SLC2A4RG: variants seen among roughly 807,000 people sequenced by gnomAD.
SLC2A4RG encodes SLC2A4 regulator.
In SLC2A4RG, 23 loss-of-function variants were observed where a neutral mutation model predicts 35.5. That is an observed-to-expected ratio of 0.65 (90% confidence interval 0.47 to 0.92). SLC2A4RG has a LOEUF of 0.92. Ranked by LOEUF, SLC2A4RG falls within the 40% of genes least tolerant of loss-of-function variation. The pLI, the probability that SLC2A4RG is intolerant of heterozygous loss-of-function variation, is 0.00. For missense variants in SLC2A4RG, 539 were observed against 525.0 expected (o/e 1.03, Z -0.26); for synonymous variants, 306 against 243.7 (o/e 1.26, Z -2.38).
intron 3 of SLC2A4RG, 41 bp from the exon 4 acceptor site, chr20:63,741,828 C>G (rs765901195): frequency 5.9e-6 from 9 of 1,533,812 alleles, no homozygotes; most frequent in Middle Eastern, 2.3e-4. Flanking sequence ...ACTCCCTGGA[C>G]CCACCCGAAG....
In SLC2A4RG at chr20:63,739,824, T is replaced by C; in HGVS notation, c.-89T>C. On this transcript the variant is annotated 5_prime_UTR_variant, in exon 1 of 8. Coordinates refer to ENST00000266077, the MANE Select transcript of SLC2A4RG (RefSeq NM_020062.4). ...GCGGCGGCCGGATCCAGGGCGGGGG[T>C]CGGCGGCCCGGCCAGCCCGGCCCGG... 1.0e-6 allele frequency: 1 copy of C among 957,800 alleles called. No homozygotes were observed. The highest frequency in any genetic ancestry group is 1.2e-6 in the Non-Finnish European group (1 of 817,784). The allele number at this position is 957,800 out of a possible 1,614,324, so 59.3% of individuals were successfully genotyped here. A position where few individuals can be genotyped will look rare whatever the true frequency, so the allele number is the denominator to read the frequency against.
At position 63,740,525 on chromosome 20, in the gene SLC2A4RG, C is replaced by A; in HGVS notation, c.275C>A (p.Ala92Glu). 2.4e-6 allele frequency: 3 copies of A among 1,229,420 alleles called. No homozygotes were observed. Among genetic ancestry groups the A allele is most frequent in the Non-Finnish European group, 3.0e-6 (3 of 986,100 alleles). 76.2% of individuals were successfully genotyped at this position (1,229,420 alleles called of 1,614,324 possible). Residue 92 changes from alanine to glutamate, a missense_variant, in exon 2 of 8, where the codon GCG becomes GAG. By Grantham distance (107) the Ala-to-Glu change is moderately radical. Transcript: ENST00000266077. The stretch of plus-strand genomic sequence containing the variant: ...CCGTCGGCGCACATCCCCGTCCCAG[C>A]GCAGAGGTGAGCGGGAGGCCCGGTG... ...RTPSAHIPVP[A>E]QRATPGKARL...
At chr20:63,741,346 G>A (rs773319598) in intron 2 of SLC2A4RG, 24 bp from the exon 3 acceptor site, 15 of 1,605,796 alleles carry the variant, frequency 9.3e-6, no homozygotes, top group African/African-American at 1.3e-5. Flanking sequence ...TGGGTCACCC[G>A]CACCCCGCCC....
rs753173227 is a variant in SLC2A4RG at position 63,742,873 on chromosome 20, G to A, written c.1053-6G>A. On this transcript the variant is annotated splice_polypyrimidine_tract_variant and splice_region_variant and intron_variant, in intron 7 of 7. Coordinates refer to ENST00000266077, the MANE Select transcript of SLC2A4RG (RefSeq NM_020062.4). ...AGCACCCCATGTCCTGTGACCCCCC[G>A]CACAGGAAGCCCCGCGGCGACGCGA... The A allele has an allele frequency of 3.6e-5, 58 of 1,609,342 alleles. No individual in the cohort carries two copies. The highest frequency in any genetic ancestry group is 4.5e-5 in the Non-Finnish European group (53 of 1,178,380).
intron 7 of SLC2A4RG, 25 bp from the exon 8 acceptor site, chr20:63,742,854 C>G (rs775522203): frequency 6.2e-7 from 1 of 1,603,102 alleles, no homozygotes; most frequent in African/African-American, 1.3e-5. Flanking sequence ...TCACAGCACC[C>G]CATGTCCTGT....
chr20:63,741,208 C>T (rs1398425745), intron 2 of SLC2A4RG, 162 bp from the exon 3 acceptor site: 4 of 655,852 alleles, frequency 6.1e-6, no homozygotes, highest in Non-Finnish European at 7.8e-6. Flanking sequence ...TGGCTTTCAG[C>T]TCTCTCTGCA....
rs1412941784 is a variant in SLC2A4RG, at chr20:63,743,350, G to C, written c.*360G>C. On this transcript the variant is annotated 3_prime_UTR_variant, in exon 8 of 8. Coordinates refer to ENST00000266077, the MANE Select transcript of SLC2A4RG (RefSeq NM_020062.4). ...GGGGGCCAGTCCCGATGCACTTTGA[G>C]GGGTGTTGGAGAGGGGACTCCCCCA... is the stretch of plus-strand genomic sequence containing the variant. 1 of 197,076 alleles carries C rather than the reference G, an allele frequency of 5.1e-6. No individual in the cohort carries two copies. The highest frequency in any genetic ancestry group is 1.2e-4 in the East Asian group (1 of 8,198). 12.2% of individuals were successfully genotyped at this position (197,076 alleles called of 1,614,324 possible). A position where few individuals can be genotyped will look rare whatever the true frequency, so the allele number is the denominator to read the frequency against.
At position 63,742,244 on chromosome 20, in the gene SLC2A4RG, T is replaced by G; in HGVS notation, c.680+14T>G. On this transcript the variant is annotated intron_variant, in intron 5 of 7. Transcript: ENST00000266077. ...GGTGCACCTGGGGTGCGGCGGGGCC[T>G]GGGGTGCGGCGGGGCCTGCGGGTTG... The G allele has an allele frequency of 6.3e-7, 1 of 1,591,188 alleles. No individual in the cohort carries two copies. Among genetic ancestry groups the G allele is most frequent in the Non-Finnish European group, 8.6e-7 (1 of 1,168,628 alleles).
chr20:63,740,402 C>T lies in SLC2A4RG; in HGVS notation c.152C>T (p.Ala51Val), dbSNP rs914809405. The T allele has an allele frequency of 1.0e-4, 128 of 1,229,398 alleles. No homozygotes were observed. The highest frequency in any genetic ancestry group is 1.3e-4 in the Non-Finnish European group (125 of 985,584). The allele number at this position is 1,229,398 out of a possible 1,614,324, so 76.2% of individuals were successfully genotyped here. A position where few individuals can be genotyped will look rare whatever the true frequency, so the allele number is the denominator to read the frequency against. ...GGCTCTTCCGTGGGCGGCGGCTTCG[C>T]GGGCTTGGAGTTCGCGCGGCCGCAG... ...PQGSSVGGGF[A>V]GLEFARPQES... is the part of the protein sequence containing the mutation. The change falls in exon 2 of 8, where the codon GCG becomes GTG. Residue 51 changes from alanine (A) to valine (V), a missense_variant. Physicochemically the swap from Ala to Val is moderately conservative, Grantham distance 64 (BLOSUM62 0). Transcript: ENST00000266077.
chr20:63,741,782 C>A, intron 3 of SLC2A4RG, 87 bp from the exon 4 acceptor site: 2 of 1,462,990 alleles, frequency 1.4e-6, no homozygotes, highest in Non-Finnish European at 1.8e-6. Flanking sequence ...ACCAGTCTCA[C>A]CGGACTTGGT....
rs1160110414 is a variant in SLC2A4RG at position 63,743,151 on chromosome 20, C to T, written c.*161C>T. 2 of 569,956 alleles carry T rather than the reference C, an allele frequency of 3.5e-6. No homozygotes were observed. Among genetic ancestry groups the T allele is most frequent in the Non-Finnish European group, 6.1e-6 (2 of 325,208 alleles). The allele number at this position is 569,956 out of a possible 1,614,324, so 35.3% of individuals were successfully genotyped here. A position where few individuals can be genotyped will look rare whatever the true frequency, so the allele number is the denominator to read the frequency against. On this transcript the variant is annotated 3_prime_UTR_variant, in exon 8 of 8. Transcript: ENST00000266077. ...GGGGCGGGGCTGACCCTGAACCCTCCCCCCCGCCAGGTCGGGGAGGGGTCC... is the reference window on the plus strand; with the variant it reads ...GGGGCGGGGCTGACCCTGAACCCTCTCCCCCGCCAGGTCGGGGAGGGGTCC...
chr20:63,741,047 TGG>T (rs945098217), intron 2 of SLC2A4RG, among the ~76,000 whole-genome samples: 2 of 152,078 alleles, frequency 1.3e-5, no homozygotes, highest in African/African-American at 4.8e-5. Context: ...TAATGTGTGA[TGG>T]GGGGAGGCCT....
In SLC2A4RG at chr20:63,739,797, G is replaced by C; in HGVS notation, c.-116G>C. On this transcript the variant is annotated 5_prime_UTR_variant, in exon 1 of 8. Transcript: ENST00000266077. ...GGGCAGCCTCCGGGCGGCGCGGCGC[G>C]GGCGGCGGCCGGATCCAGGGCGGGG... 17 of 965,066 alleles carry C rather than the reference G, an allele frequency of 1.8e-5. No individual in the cohort carries two copies. Among genetic ancestry groups the C allele is most frequent in the Non-Finnish European group, 2.1e-5 (17 of 815,882 alleles). The allele number at this position is 965,066 out of a possible 1,614,324, so 59.8% of individuals were successfully genotyped here.
Position 63,741,430 on chromosome 20 carries a change from G to C in SLC2A4RG, c.342G>C (p.Leu114=), listed in dbSNP as rs1411204173. 1.2e-6 allele frequency: 2 copies of C among 1,613,480 alleles called. No homozygotes were observed. Among genetic ancestry groups the C allele is most frequent in the Admixed American group, 1.7e-5 (1 of 60,016 alleles). The part of the protein sequence containing the change: ...EVMAAAALTS[L]STSPLLLGAP... The stretch of plus-strand genomic sequence containing the variant: ...TGGCTGCCGCTGCCCTTACAAGCCT[G>C]TCCACCAGCCCTCTCCTTCTGGGGG... The change falls in exon 3 of 8, where the codon CTG becomes CTC. Residue 114 remains leucine, a synonymous_variant. Coordinates refer to ENST00000266077, the MANE Select transcript of SLC2A4RG (RefSeq NM_020062.4).
intron 3 of SLC2A4RG, 140 bp downstream of exon 3, chr20:63,741,619 CCTA>C: frequency 3.7e-6 from 4 of 1,083,432 alleles, no homozygotes; most frequent in Non-Finnish European, 5.2e-6. Flanking sequence ...CTCAGTGCCC[CCTA>C]CTGAGGCCAA....
Position 63,742,694 on chromosome 20 carries a change from T to C in SLC2A4RG, c.961-5T>C, listed in dbSNP as rs1451921749. 5 of 1,598,618 alleles carry C rather than the reference T, an allele frequency of 3.1e-6. No individual in the cohort carries two copies. The highest frequency in any genetic ancestry group is 4.3e-6 in the Non-Finnish European group (5 of 1,173,652). Reference sequence around the variant, plus strand: ...GAGTGAAGCCCTGGCTGTGTCTCCCTGTAGGGCTGCCTGACGCCCGCCCGC... The same window carrying C: ...GAGTGAAGCCCTGGCTGTGTCTCCCCGTAGGGCTGCCTGACGCCCGCCCGC... On this transcript the variant is annotated splice_polypyrimidine_tract_variant and splice_region_variant and intron_variant, in intron 6 of 7. Coordinates refer to ENST00000266077, the MANE Select transcript of SLC2A4RG (RefSeq NM_020062.4).
In SLC2A4RG at chr20:63,742,932, G is replaced by C. The variant is rs765572461; in HGVS notation, c.1106G>C (p.Arg369Pro). ...CGGAAGGTGTATGGCATGGAGCGCC[G>C]GGACCTCTGGTGCACAGCCTGCCGC... ...KCRKVYGMERRDLWCTACRWK... is the reference protein window; with the variant it reads ...KCRKVYGMERPDLWCTACRWK... The change falls in exon 8 of 8, where the codon CGG becomes CCG. Residue 369 changes from arginine (R) to proline (P), a missense_variant. Transcript: ENST00000266077. 6.2e-7 allele frequency: 1 copy of C among 1,612,310 alleles called. No individual in the cohort carries two copies. The highest frequency in any genetic ancestry group is 8.5e-7 in the Non-Finnish European group (1 of 1,179,672).
chr20:63,742,441 A>T lies in SLC2A4RG; in HGVS notation c.786A>T (p.Pro262=). 1 of 1,605,120 alleles carries T rather than the reference A, an allele frequency of 6.2e-7. No homozygotes were observed. Among genetic ancestry groups the T allele is most frequent in the Non-Finnish European group, 8.5e-7 (1 of 1,176,652 alleles). ...TLTDGLSSLT[P]VSPTASMPPA... ...CCGACGGGCTGTCCAGCCTGACTCC[A>T]GTGTCCCCCACGGCCTCCATGCCGC... Residue 262 remains proline, a synonymous_variant, in exon 6 of 8, where the codon CCA becomes CCT. Coordinates refer to ENST00000266077, the MANE Select transcript of SLC2A4RG (RefSeq NM_020062.4).
chr20:63,742,235 G>T lies in SLC2A4RG; in HGVS notation c.680+5G>T. 6.3e-7 allele frequency: 1 copy of T among 1,591,198 alleles called. No individual in the cohort carries two copies. Among genetic ancestry groups the T allele is most frequent in the Non-Finnish European group, 8.6e-7 (1 of 1,169,058 alleles). On this transcript the variant is annotated splice_donor_5th_base_variant and intron_variant, in intron 5 of 7. Transcript: ENST00000266077. ...CATCCGCCTGGTGCACCTGGGGTGC[G>T]GCGGGGCCTGGGGTGCGGCGGGGCC...
Sources: allele counts gnomAD v4.1 joint callset (sites outside exome capture counted in the v4.1 genomes callset), GRCh38; gene constraint gnomAD v4.1.1; transcripts MANE v1.5; gene names NCBI Gene and HGNC (gene_info 2026-07-23, HGNC 2026-07-21).